Variants in DPYD observed in about 807,000 individuals in gnomAD.
DPYD encodes the protein dihydropyrimidine dehydrogenase [NADP(+)].
Under a neutral mutation model 116.2 loss-of-function variants are expected in DPYD, and 109 were observed. The observed-to-expected ratio is 0.94, with a 90% confidence interval of 0.80 to 1.10. DPYD has a LOEUF of 1.10. Among genes scored for constraint, DPYD ranks in the 50% least tolerant of loss-of-function variants. The probability of loss-of-function intolerance (pLI) is 0.00; values close to 1 mark genes in which losing one functional copy is unlikely to be tolerated. For missense variants in DPYD, 1,302 were observed against 1,254.5 expected (o/e 1.04, Z -0.57); for synonymous variants, 440 against 432.0 (o/e 1.02, Z -0.23).
At chr1:97,239,364 A>G (rs1408652124) in intron 18 of DPYD, among the ~76,000 whole-genome samples, 2 of 152,098 alleles carry the variant, frequency 1.3e-5, no homozygotes, top group African/African-American at 4.8e-5. Context: ...CTATAATATT[A>G]TATATTGATA....
At chr1:97,139,742 G>A (rs1654075342) in intron 20 of DPYD, among the ~76,000 whole-genome samples, 1 of 152,148 alleles carries the variant, frequency 6.6e-6, no homozygotes, top group South Asian at 2.1e-4. Context: ...AAGGAATGTT[G>A]GCAAATCTCC....
intron 16 of DPYD, among the ~76,000 whole-genome samples, chr1:97,344,362 A>C (rs919825913): frequency 1.3e-5 from 2 of 151,906 alleles, no homozygotes; most frequent in African/African-American, 2.4e-5. Flanking sequence ...TCAGAAGATA[A>C]CAATAAAACA....
intron 1 of DPYD, among the ~76,000 whole-genome samples, chr1:97,890,105 C>A (rs1024797162): frequency 1.3e-5 from 2 of 151,872 alleles, no homozygotes; most frequent in African/African-American, 4.8e-5. Flanking sequence ...GTTGCTCAGG[C>A]TGGCGGATTA....
At chr1:97,455,131 G>A (rs2101806675) in intron 13 of DPYD, among the ~76,000 whole-genome samples, 1 of 151,942 alleles carries the variant, frequency 6.6e-6, no homozygotes, top group Non-Finnish European at 1.5e-5. Flanking sequence ...GTAGGTAGAT[G>A]CTGGAGGAGA....
intron 15 of DPYD, among the ~76,000 whole-genome samples, chr1:97,380,094 A>T (rs1407880499): frequency 6.6e-6 from 1 of 152,210 alleles, no homozygotes; most frequent in African/African-American, 2.4e-5. Context: ...TTCAAGGCTG[A>T]TTACAAATTA....
chr1:97,142,867 A>G (rs955216215), intron 20 of DPYD, among the ~76,000 whole-genome samples: 1 of 152,110 alleles, frequency 6.6e-6, no homozygotes, highest in Non-Finnish European at 1.5e-5. Context: ...TATTTGATCA[A>G]TAATTCTTTA....
intron 8 of DPYD, among the ~76,000 whole-genome samples, chr1:97,618,919 C>A (rs1656465754): frequency 6.6e-6 from 1 of 151,834 alleles, no homozygotes; most frequent in South Asian, 2.1e-4. Context: ...AATAATGCAC[C>A]AGAAACATCC....
chr1:97,810,797 ATTTTAC>A (rs1039273518), intron 3 of DPYD, among the ~76,000 whole-genome samples: 1 of 152,136 alleles, frequency 6.6e-6, no homozygotes, highest in African/African-American at 2.4e-5. Flanking sequence ...AAGCTTAATT[ATTTTAC>A]ATACTTACCT....
At chr1:97,225,781 T>C (rs1039708109) in intron 19 of DPYD, among the ~76,000 whole-genome samples, 1 of 152,058 alleles carries the variant, frequency 6.6e-6, no homozygotes, top group Non-Finnish European at 1.5e-5. Context: ...ATTCAAACAA[T>C]CATAGCCAAG....
At chr1:97,175,872 G>C (rs1657217808) in intron 20 of DPYD, among the ~76,000 whole-genome samples, 1 of 152,154 alleles carries the variant, frequency 6.6e-6, no homozygotes, top group Non-Finnish European at 1.5e-5. Context: ...CAATTGAACT[G>C]TCCTTTCGTG....
In DPYD at chr1:97,234,723, C is replaced by T. The variant is rs1179484501; in HGVS notation, c.2442+129G>A. The T allele has an allele frequency of 5.3e-6, 6 of 1,138,028 alleles. No homozygotes were observed. The East Asian group carries it at 1.5e-4, about 29-fold the overall frequency. 70.5% of individuals were successfully genotyped at this position (1,138,028 alleles called of 1,614,324 possible). On this transcript the variant is annotated intron_variant, in intron 19 of 22. Coordinates refer to ENST00000370192, the MANE Select transcript of DPYD (RefSeq NM_000110.4). The stretch of plus-strand genomic sequence containing the variant: ...TGTCAGAGGAACTTAATACATGCTG[C>T]CATTTTGATCCCAAATGGCCTCCTT...
At chr1:97,695,537 A>G (rs1362641754) in intron 6 of DPYD, among the ~76,000 whole-genome samples, 1 of 151,356 alleles carries the variant, frequency 6.6e-6, no homozygotes, top group Admixed American at 6.6e-5. Flanking sequence ...TGCCTTGTTT[A>G]CTTTTATGCT....
At chr1:97,351,857 T>A (rs373380325) in intron 16 of DPYD, among the ~76,000 whole-genome samples, 1 of 152,162 alleles carries the variant, frequency 6.6e-6, no homozygotes, top group East Asian at 1.9e-4. Flanking sequence ...AGGAACTCAA[T>A]ACCGTAAAAG....
intron 12 of DPYD, among the ~76,000 whole-genome samples, chr1:97,540,845 C>T (rs962915411): frequency 4.0e-5 from 6 of 151,234 alleles, no homozygotes; most frequent in Admixed American, 1.3e-4. Flanking sequence ...TTAGCATACA[C>T]ACACACACAC....
At chr1:97,271,935 T>A (rs889562104) in intron 18 of DPYD, among the ~76,000 whole-genome samples, 2 of 152,208 alleles carry the variant, frequency 1.3e-5, no homozygotes, top group Non-Finnish European at 2.9e-5. Context: ...GTGTTCCTTT[T>A]TAAGAGCAAA....
At chr1:97,492,483 G>T (rs77524117) in intron 13 of DPYD, among the ~76,000 whole-genome samples, 2,495 of 152,220 alleles carry the variant, frequency 0.016, 70 homozygotes, top group African/African-American at 0.058. Flanking sequence ...CATTCTTATA[G>T]AACCACCCTT....
chr1:97,329,439 T>C (rs6701415), intron 16 of DPYD, among the ~76,000 whole-genome samples: 35,428 of 151,920 alleles, frequency 0.23, 4,309 homozygotes, highest in Non-Finnish European at 0.28. Context: ...TGGCTACTAA[T>C]GGGTAAGGGT....
At chr1:97,614,631 C>A (rs1656152416) in intron 8 of DPYD, among the ~76,000 whole-genome samples, 1 of 152,028 alleles carries the variant, frequency 6.6e-6, no homozygotes, top group Admixed American at 6.6e-5. Context: ...TGGAGGGAAG[C>A]ATCACGACTA....
At chr1:97,771,810 C>T (rs1475065377) in intron 3 of DPYD, among the ~76,000 whole-genome samples, 1 of 152,070 alleles carries the variant, frequency 6.6e-6, no homozygotes, top group African/African-American at 2.4e-5. Context: ...AAAGCCATTG[C>T]TGTTTCAAAA....
Sources: gnomAD v4.1 joint callset for allele counts (sites outside exome capture counted in the v4.1 genomes callset) on GRCh38, gnomAD v4.1.1 for gene constraint, MANE v1.5 for transcripts, NCBI Gene and HGNC (gene_info 2026-07-23, HGNC 2026-07-21) for gene names.